The following SSBP1 variants were observed in gnomAD, a reference collection of about 807,000 sequenced individuals.
SSBP1 encodes single-stranded DNA-binding protein, mitochondrial.
A neutral mutation model predicts 27.0 loss-of-function variants in SSBP1; 20 were observed. The ratio of observed to expected loss-of-function variants is 0.74; its 90% CI spans 0.52 to 1.08. The LOEUF (loss-of-function observed/expected upper bound fraction) is 1.08. Among genes scored for constraint, SSBP1 ranks in the 50% least tolerant of loss-of-function variants. The probability of loss-of-function intolerance (pLI) is 0.00; values close to 1 mark genes in which losing one functional copy is unlikely to be tolerated. For synonymous variants in SSBP1, 59 were observed against 59.3 expected (o/e 1.00, Z 0.02); for missense variants, 137 against 182.4 (o/e 0.75, Z 1.44).
intron 5 of SSBP1, among the ~76,000 whole-genome samples, chr7:141,744,732 G>A (rs540585414): frequency 9.9e-5 from 15 of 152,158 alleles, no homozygotes; most frequent in Admixed American, 3.3e-4. Context: ...TTATGAATAT[G>A]TGCACATACA....
chr7:141,747,855 G>A (rs962568863), intron 6 of SSBP1, among the ~76,000 whole-genome samples: 6 of 151,136 alleles, frequency 4.0e-5, no homozygotes, highest in Admixed American at 6.6e-5. Flanking sequence ...AAAAGTAGCC[G>A]GGTCTAGTAA....
At chr7:141,746,812 G>C (rs1799808854) in intron 6 of SSBP1, among the ~76,000 whole-genome samples, 2 of 152,082 alleles carry the variant, frequency 1.3e-5, no homozygotes, top group Non-Finnish European at 2.9e-5. Flanking sequence ...GCGACATTAA[G>C]AAATTTTTTT....
In SSBP1 at chr7:141,743,671, C is replaced by T. The variant is rs771183484; in HGVS notation, c.196C>T (p.Arg66Ter). Residue 66 changes from arginine to a stop codon, truncating the protein, a stop_gained, in exon 4 of 7, where the codon CGA becomes TGA. Transcript: ENST00000265304. LOFTEE classifies it high-confidence loss of function. Reference sequence around the variant, plus strand: ...TTCTCTAGCAACTAATGAGATGTGGCGATCAGGGGATAGTGAAGTTTACCA... The same window carrying T: ...TTCTCTAGCAACTAATGAGATGTGGTGATCAGGGGATAGTGAAGTTTACCA... ...IFSLATNEMW[R>*]SGDSEVYQLG... 11 of 1,613,920 alleles carry T rather than the reference C, an allele frequency of 6.8e-6. No homozygotes were observed. The highest frequency in any genetic ancestry group is 3.4e-6 in the Non-Finnish European group (4 of 1,180,002).
intron 5 of SSBP1, among the ~76,000 whole-genome samples, chr7:141,745,196 C>T (rs1244921160): frequency 6.6e-6 from 1 of 152,076 alleles, no homozygotes; most frequent in Non-Finnish European, 1.5e-5. Flanking sequence ...GGAAATTATT[C>T]CTAGAGATTT....
rs568370734 is a variant in SSBP1, at chr7:141,748,307, G to A, written c.404-2004G>A. On this transcript the variant is annotated intron_variant, in intron 6 of 6. Coordinates refer to ENST00000265304, the MANE Select transcript of SSBP1 (RefSeq NM_003143.3). Reference sequence around the variant, plus strand: ...ACTGTTAATTTTTTTACTAAATATCGTAGTGTTCAAATTTCCTTGATAACT... The same window carrying A: ...ACTGTTAATTTTTTTACTAAATATCATAGTGTTCAAATTTCCTTGATAACT... Among the ~76,000 whole-genome samples the A allele has an allele frequency of 9.9e-5, 15 of 152,012 alleles. No homozygotes were observed. In the South Asian group the frequency reaches 1.5e-3, roughly 15 times the overall value.
rs761368934 is a variant in SSBP1, at chr7:141,750,271, G to C, written c.404-40G>C. The C allele has an allele frequency of 1.2e-5, 17 of 1,420,916 alleles. No homozygotes were observed. In the East Asian group the frequency reaches 3.7e-4, roughly 31 times the overall value. The allele number at this position is 1,420,916 out of a possible 1,614,324, so 88.0% of individuals were successfully genotyped here. On this transcript the variant is annotated intron_variant, in intron 6 of 6. Transcript: ENST00000265304. The stretch of plus-strand genomic sequence containing the variant: ...AGAATTATTGAATGAGATGGAGAAA[G>C]AGTTCTGAAATTAATATTTACATTT...
Position 141,745,629 on chromosome 7 carries a change from T to G in SSBP1, c.403+45T>G, listed in dbSNP as rs775014290. The G allele has an allele frequency of 3.1e-6, 5 of 1,610,134 alleles. No individual in the cohort carries two copies. In the South Asian group the frequency reaches 5.5e-5, roughly 18 times the overall value. ...AGCTGTTTTTTTCTTTTTCTCCTTTTCTTTTTTAAAAGCTTGGCTACACTG... is the reference window on the plus strand; with the variant it reads ...AGCTGTTTTTTTCTTTTTCTCCTTTGCTTTTTTAAAAGCTTGGCTACACTG... On this transcript the variant is annotated intron_variant, in intron 6 of 6. Transcript: ENST00000265304.
Position 141,745,494 on chromosome 7 carries a change from A to G in SSBP1, c.315-2A>G, listed in dbSNP as rs1274468787. ...AAAAACTGTACATTTTATTTATATC[A>G]GGTCTCGAATTTATTTGGAAGGGAA... On this transcript the variant is annotated splice_acceptor_variant, in intron 5 of 6. Transcript: ENST00000265304. LOFTEE classifies it high-confidence loss of function. 1 of 1,587,986 alleles carries G rather than the reference A, an allele frequency of 6.3e-7. No homozygotes were observed. Among genetic ancestry groups the G allele is most frequent in the Non-Finnish European group, 8.6e-7 (1 of 1,167,644 alleles).
At chr7:141,747,414 G>A (rs1228887573) in intron 6 of SSBP1, among the ~76,000 whole-genome samples, 1 of 124,152 alleles carries the variant, frequency 8.1e-6, no homozygotes, top group Non-Finnish European at 1.6e-5. Flanking sequence ...TTTTGAGACA[G>A]CGTCTCACTC....
Position 141,742,171 on chromosome 7 carries a change from A to G in SSBP1, c.27A>G (p.Val9=). Residue 9 remains valine, a splice_region_variant and synonymous_variant, in exon 3 of 7, where the codon GTA becomes GTG. Coordinates refer to ENST00000265304, the MANE Select transcript of SSBP1 (RefSeq NM_003143.3). ...GTTATTCATTTGTTCTTCTTTAGGT[A>G]CTTCGTCAGTTTGTAAGACATGAGT... MFRRPVLQ[V]LRQFVRHESE... 1 of 1,599,304 alleles carries G rather than the reference A, an allele frequency of 6.3e-7. No homozygotes were observed. The highest frequency in any genetic ancestry group is 8.6e-7 in the Non-Finnish European group (1 of 1,168,122).
chr7:141,745,723 C>G, intron 6 of SSBP1, 139 bp downstream of exon 6: 3 of 1,394,294 alleles, frequency 2.2e-6, no homozygotes, highest in Non-Finnish European at 2.8e-6. Context: ...GTCCATAACT[C>G]TTATTTCTCT....
chr7:141,743,028 G>C (rs1341527809), intron 3 of SSBP1, among the ~76,000 whole-genome samples: 1 of 152,126 alleles, frequency 6.6e-6, no homozygotes, highest in Admixed American at 6.5e-5. Flanking sequence ...CTAATTTTTT[G>C]TATTTTAGTA....
intron 1 of SSBP1, 130 bp downstream of exon 1, chr7:141,738,540 C>G (rs1799372229): frequency 6.6e-6 from 1 of 152,666 alleles, no homozygotes; most frequent in Admixed American, 6.6e-5. Flanking sequence ...GTGCGGAGGA[C>G]CGCGTGATTT....
chr7:141,745,426 C>A, intron 5 of SSBP1, 70 bp from the exon 6 acceptor site: 1 of 1,325,830 alleles, frequency 7.5e-7, no homozygotes, highest in Non-Finnish European at 1.0e-6. Context: ...ATACTCAGTA[C>A]CACCCTGACC....
At position 141,745,391 on chromosome 7, in the gene SSBP1, T is replaced by C. The variant is rs1031226023; in HGVS notation, c.315-105T>C. The C allele has an allele frequency of 9.5e-6, 9 of 946,970 alleles. No homozygotes were observed. In the African/African-American group the frequency reaches 1.5e-4, roughly 16 times the overall value. 58.7% of individuals were successfully genotyped at this position (946,970 alleles called of 1,614,324 possible). A position where few individuals can be genotyped will look rare whatever the true frequency, so the allele number is the denominator to read the frequency against. On this transcript the variant is annotated intron_variant, in intron 5 of 6. Coordinates refer to ENST00000265304, the MANE Select transcript of SSBP1 (RefSeq NM_003143.3). ...GTGGTAGCAAAAATTAGCTTATATA[T>C]GATTATATATTTCATCCTTGTCATA...
Sources: gnomAD v4.1 joint callset for allele counts (sites outside exome capture counted in the v4.1 genomes callset) on GRCh38, gnomAD v4.1.1 for gene constraint, MANE v1.5 for transcripts, NCBI Gene and HGNC (gene_info 2026-07-23, HGNC 2026-07-21) for gene names.